Variants in RFT1 observed in about 807,000 individuals in gnomAD.
RFT1 encodes man(5)GlcNAc(2)-PP-dolichol translocation protein RFT1.
In RFT1, 43 loss-of-function variants were observed where a neutral mutation model predicts 62.2. The ratio of observed to expected loss-of-function variants is 0.69; its 90% CI spans 0.54 to 0.89. The LOEUF (loss-of-function observed/expected upper bound fraction) is 0.89, where lower values mean the gene tolerates loss of function less well. Ranked by LOEUF, RFT1 falls within the 40% of genes least tolerant of loss-of-function variation. The pLI is 0.00. For synonymous variants in RFT1, 262 were observed against 264.6 expected, an observed-to-expected ratio of 0.99 and a Z score of 0.10; for missense variants, 605 against 649.9, an observed-to-expected ratio of 0.93 and a Z score of 0.75.
rs150391936 is a variant in RFT1 at position 53,105,799 on chromosome 3, C to T, written c.831G>A (p.Val277=). ...LNVLNFGDQG[V]YDIVNNLGSL... is the part of the protein sequence containing the mutation. ...AGCCAAGATTATTCACTATATCATA[C>T]ACACCTACAAAACAAAAAAGAAGAA... is the stretch of plus-strand genomic sequence containing the variant. Residue 277 remains valine, a synonymous_variant, in exon 9 of 13, where the codon GTG becomes GTA. Coordinates refer to ENST00000296292, the MANE Select transcript of RFT1 (RefSeq NM_052859.4). 1.6e-4 allele frequency: 261 copies of T among 1,613,088 alleles called. No homozygotes were observed. The highest frequency in any genetic ancestry group is 2.0e-4 in the Non-Finnish European group (240 of 1,179,532).
intron 11 of RFT1, among the ~76,000 whole-genome samples, chr3:53,096,035 T>A (rs2107082413): frequency 6.6e-6 from 1 of 152,308 alleles, no homozygotes; most frequent in African/African-American, 2.4e-5. Flanking sequence ...ACCTTCTTGG[T>A]CATCCTAAAT....
At chr3:53,129,749 C>T (rs1037687392) in intron 1 of RFT1, among the ~76,000 whole-genome samples, 6 of 152,098 alleles carry the variant, frequency 3.9e-5, no homozygotes, top group African/African-American at 1.4e-4. Flanking sequence ...TACTAAGAGC[C>T]GGGTACTGTG....
At position 53,119,881 on chromosome 3, in the gene RFT1, T is replaced by C; in HGVS notation, c.696+3A>G. 6.2e-7 allele frequency: 1 copy of C among 1,606,844 alleles called. No individual in the cohort carries two copies. The highest frequency in any genetic ancestry group is 8.5e-7 in the Non-Finnish European group (1 of 1,175,366). ...TGATAAGAGATAAAAATGTATTACT[T>C]ACTCCATTTCTTGTAATATTGGGTA... On this transcript the variant is annotated splice_donor_region_variant and intron_variant, in intron 6 of 12. Coordinates refer to ENST00000296292, the MANE Select transcript of RFT1 (RefSeq NM_052859.4).
chr3:53,068,722 TA>T, the RFT1 span, among the ~76,000 whole-genome samples: 13 of 152,194 alleles, frequency 8.5e-5, no homozygotes, highest in Admixed American at 3.3e-4. Flanking sequence ...ACAAAGGATT[TA>T]AATCCAGAAT....
intron 6 of RFT1, among the ~76,000 whole-genome samples, chr3:53,118,915 C>T (rs1038096228): frequency 6.6e-6 from 1 of 152,154 alleles, no homozygotes; most frequent in Non-Finnish European, 1.5e-5. Context: ...TAGCCTGACA[C>T]TCAGAAGGAG....
chr3:53,073,920 C>G, the RFT1 span, among the ~76,000 whole-genome samples: 4 of 152,240 alleles, frequency 2.6e-5, no homozygotes, highest in Non-Finnish European at 2.9e-5. Flanking sequence ...AGGCCCACCC[C>G]ACACATGCAC....
At chr3:53,107,350 G>T (rs531526149) in intron 7 of RFT1, among the ~76,000 whole-genome samples, 4 of 152,018 alleles carry the variant, frequency 2.6e-5, no homozygotes, top group South Asian at 2.1e-4. Flanking sequence ...TGTTAGCCAG[G>T]ATGGTCTCGA....
intron 5 of RFT1, among the ~76,000 whole-genome samples, chr3:53,121,445 G>C (rs1701963962): frequency 6.6e-6 from 1 of 152,014 alleles, no homozygotes; most frequent in African/African-American, 2.4e-5. Context: ...ATGTCTAAAA[G>C]GGGTTTTTGA....
chr3:53,079,911 A>G, the RFT1 span, among the ~76,000 whole-genome samples: 3 of 147,598 alleles, frequency 2.0e-5, 1 homozygote, highest in South Asian at 6.2e-4. Context: ...AGGTGAGGAC[A>G]TTGGCAATTG....
chr3:53,097,981 A>G (rs1025646373), intron 11 of RFT1, among the ~76,000 whole-genome samples: 1 of 152,226 alleles, frequency 6.6e-6, no homozygotes, highest in Non-Finnish European at 1.5e-5. Flanking sequence ...CTGGGAATCA[A>G]TTTAGAGGGT....
intron 1 of RFT1, among the ~76,000 whole-genome samples, chr3:53,129,428 ACAAGGCC>A (rs1454108044): frequency 6.6e-6 from 1 of 152,134 alleles, no homozygotes; most frequent in African/African-American, 2.4e-5. Context: ...CTAGCAAGTG[ACAAGGCC>A]CAAACTCAAG....
At chr3:53,072,732 A>G in the RFT1 span, among the ~76,000 whole-genome samples, 1 of 152,206 alleles carries the variant, frequency 6.6e-6, no homozygotes. Flanking sequence ...GAGCCCTTCT[A>G]GCAGGCTTGT....
chr3:53,117,912 A>C (rs1337607949), intron 6 of RFT1, among the ~76,000 whole-genome samples: 33 of 152,212 alleles, frequency 2.2e-4, no homozygotes, highest in Admixed American at 2.2e-3. Context: ...TATTTATTTG[A>C]GACAGGGTCT....
At chr3:53,113,211 C>G (rs1488971983) in intron 6 of RFT1, among the ~76,000 whole-genome samples, 1 of 152,062 alleles carries the variant, frequency 6.6e-6, no homozygotes, top group African/African-American at 2.4e-5. Context: ...AGATGAGGGT[C>G]TTGCTGCATT....
At chr3:53,107,313 A>G (rs1303278294) in intron 7 of RFT1, among the ~76,000 whole-genome samples, 3 of 151,900 alleles carry the variant, frequency 2.0e-5, no homozygotes, top group Middle Eastern at 3.4e-3. Context: ...TTTTTTTTGT[A>G]TTTTTAGTAG....
In RFT1 at chr3:53,119,915, G is replaced by A. The variant is rs1323618296; in HGVS notation, c.665C>T (p.Thr222Ile). 1.2e-6 allele frequency: 2 copies of A among 1,612,368 alleles called. No homozygotes were observed. Among genetic ancestry groups the A allele is most frequent in the African/African-American group, 1.3e-5 (1 of 74,890 alleles). The change falls in exon 6 of 13, where the codon ACA becomes ATA. Residue 222 changes from threonine (T) to isoleucine (I), a missense_variant. By Grantham distance (89) the Thr-to-Ile change is moderately conservative (BLOSUM62 -1). Coordinates refer to ENST00000296292, the MANE Select transcript of RFT1 (RefSeq NM_052859.4). ...TCTTGTAATATTGGGTAACAGATCT[G>A]TTATTCTGGAGACAGGAAGAGTTTG... ...KLQTLPVSRI[T>I]DLLPNITRNG...
chr3:53,122,575 GA>G lies in RFT1; in HGVS notation c.267-13del. The G allele has an allele frequency of 3.3e-6, 5 of 1,528,728 alleles. No homozygotes were observed. The highest frequency in any genetic ancestry group is 1.3e-5 in the South Asian group (1 of 74,216). 94.7% of individuals were successfully genotyped at this position (1,528,728 alleles called of 1,614,324 possible). ...CACCCAGGGGGACTCTAGAAGAGGAGAAAAAAATAATTCACTAAATTTTAAA... is the reference window on the plus strand; with the variant it reads ...CACCCAGGGGGACTCTAGAAGAGGAGAAAAAATAATTCACTAAATTTTAAA... On this transcript the variant is annotated splice_polypyrimidine_tract_variant and intron_variant, in intron 3 of 12. Transcript: ENST00000296292.
rs1700999064 is a variant in RFT1 at position 53,091,896 on chromosome 3, C to T, written c.*7G>A. 1 of 1,613,978 alleles carries T rather than the reference C, an allele frequency of 6.2e-7. No homozygotes were observed. The highest frequency in any genetic ancestry group is 1.3e-5 in the African/African-American group (1 of 74,908). On this transcript the variant is annotated 3_prime_UTR_variant, in exon 13 of 13. Coordinates refer to ENST00000296292, the MANE Select transcript of RFT1 (RefSeq NM_052859.4). ...CAGGTGCCTCGGGTGTCCAGGCTTC[C>T]CTGAAGTCATGTCATTTTGTCAGTG...
intron 6 of RFT1, among the ~76,000 whole-genome samples, chr3:53,116,164 A>G (rs1366727135): frequency 2.6e-5 from 4 of 152,250 alleles, no homozygotes; most frequent in African/African-American, 7.2e-5. Flanking sequence ...GATAGTAAAT[A>G]TAATTATTTG....
Sources: allele counts gnomAD v4.1 joint callset (sites outside exome capture counted in the v4.1 genomes callset), GRCh38; gene constraint gnomAD v4.1.1; transcripts MANE v1.5; gene names NCBI Gene and HGNC (gene_info 2026-07-23, HGNC 2026-07-21).